Variants in PRC1 observed in about 807,000 individuals in gnomAD.
PRC1 encodes protein regulator of cytokinesis 1, also known as anaphase spindle elongation 1 homolog.
In PRC1, 54 loss-of-function variants were observed where a neutral mutation model predicts 91.2. The ratio of observed to expected loss-of-function variants is 0.59; its 90% CI spans 0.48 to 0.74. The LOEUF (loss-of-function observed/expected upper bound fraction) is 0.74, where lower values mean the gene tolerates loss of function less well. PRC1 is among the 30% of genes least tolerant of loss of function. The probability of loss-of-function intolerance (pLI) is 0.00; values close to 1 mark genes in which losing one functional copy is unlikely to be tolerated. For synonymous variants in PRC1, 275 were observed against 263.6 expected, an observed-to-expected ratio of 1.04 and a Z score of -0.42; for missense variants, 727 against 746.2, an observed-to-expected ratio of 0.97 and a Z score of 0.30.
intron 13 of PRC1, 123 bp from the exon 14 acceptor site, chr15:90,969,243 A>G (rs2037831783): frequency 8.0e-7 from 1 of 1,246,370 alleles, no homozygotes; most frequent in South Asian, 1.3e-5. Context: ...TCCAGGTTAA[A>G]TGTCTAGTTG....
At position 90,966,331 on chromosome 15, in the gene PRC1, C is replaced by A; in HGVS notation, c.*800G>T. 3.5e-6 allele frequency: 1 copy of A among 285,894 alleles called. No individual in the cohort carries two copies. The highest frequency in any genetic ancestry group is 7.1e-6 in the Non-Finnish European group (1 of 140,690). 17.7% of individuals were successfully genotyped at this position (285,894 alleles called of 1,614,324 possible). A position where few individuals can be genotyped will look rare whatever the true frequency, so the allele number is the denominator to read the frequency against. On this transcript the variant is annotated 3_prime_UTR_variant, in exon 15 of 15. Transcript: ENST00000394249. ...CCCAGTAGTGACATGTGCAAAGTTC[C>A]AGATCTCCACGACAAAGACAGCTCA... is the stretch of plus-strand genomic sequence containing the variant.
chr15:90,970,435 G>C lies in PRC1; in HGVS notation c.1541C>G (p.Pro514Arg). 1 of 1,612,620 alleles carries C rather than the reference G, an allele frequency of 6.2e-7. No individual in the cohort carries two copies. Among genetic ancestry groups the C allele is most frequent in the Admixed American group, 1.7e-5 (1 of 60,012 alleles). ...GCCAGAAGGAGGAAGTCGAGACACGGGGGAGTGGTAGACTGTCCCTCCAAA... is the reference window on the plus strand; with the variant it reads ...GCCAGAAGGAGGAAGTCGAGACACGCGGGAGTGGTAGACTGTCCCTCCAAA... ...PIFGGTVYHS[P>R]VSRLPPSGSK... is the part of the protein sequence containing the mutation. The change falls in exon 12 of 15, where the codon CCC becomes CGC. Residue 514 changes from proline (P) to arginine (R), a missense_variant. Pro to Arg is a moderately radical substitution (Grantham distance 103). Coordinates refer to ENST00000394249, the MANE Select transcript of PRC1 (RefSeq NM_003981.4).
chr15:90,991,521 A>G (rs1354363505), intron 1 of PRC1, among the ~76,000 whole-genome samples: 1 of 152,082 alleles, frequency 6.6e-6, no homozygotes, highest in African/African-American at 2.4e-5. Flanking sequence ...CATTATTATT[A>G]TTCTAGTTAG....
intron 14 of PRC1, chr15:90,968,527 T>C (rs775210410): frequency 6.3e-5 from 62 of 990,260 alleles, no homozygotes; most frequent in Non-Finnish European, 7.3e-5. Flanking sequence ...AGTAGGATAC[T>C]AGGAAGTGAA....
intron 6 of PRC1, chr15:90,980,617 T>C: frequency 1.5e-6 from 1 of 654,228 alleles, no homozygotes; most frequent in Non-Finnish European, 2.5e-6. Flanking sequence ...CCTCCCAGGC[T>C]CAAGCGATTC....
At chr15:90,980,512 CT>C (rs35250469) in intron 6 of PRC1, 123 bp from the exon 7 acceptor site, 48,645 of 484,356 alleles carry the variant, frequency 0.1, 36 homozygotes, top group South Asian at 0.12. Context: ...TAAATCAACA[CT>C]TTTTTTTTTT....
Position 90,966,826 on chromosome 15 carries a change from G to A in PRC1, c.*305C>T. The stretch of plus-strand genomic sequence containing the variant: ...TTCCTACAGTGGTGAAATAAAACAA[G>A]CTTTGATCATGCTTCAGCAAGTAGA... On this transcript the variant is annotated 3_prime_UTR_variant, in exon 15 of 15. Transcript: ENST00000394249. 1 of 476,772 alleles carries A rather than the reference G, an allele frequency of 2.1e-6. No individual in the cohort carries two copies. Among genetic ancestry groups the A allele is most frequent in the Non-Finnish European group, 3.9e-6 (1 of 258,184 alleles). The allele number at this position is 476,772 out of a possible 1,614,324, so 29.5% of individuals were successfully genotyped here.
At position 90,974,497 on chromosome 15, in the gene PRC1, C is replaced by G; in HGVS notation, c.1350+88G>C. ...AAGCCCCGGTCCCCGGCTCCCTGTT[C>G]CACAAACCCTGGTCCCCGGCAGAGA... On this transcript the variant is annotated intron_variant, in intron 10 of 14. Coordinates refer to ENST00000394249, the MANE Select transcript of PRC1 (RefSeq NM_003981.4). This position sits in a 1 kb window ranked among gnomAD's most constrained non-coding sequence, Gnocchi z 4.6. 1 of 1,564,422 alleles carries G rather than the reference C, an allele frequency of 6.4e-7. No homozygotes were observed. The highest frequency in any genetic ancestry group is 1.1e-5 in the South Asian group (1 of 87,230).
chr15:90,989,735 G>A (rs1233133353), intron 1 of PRC1, among the ~76,000 whole-genome samples: 1 of 151,854 alleles, frequency 6.6e-6, no homozygotes, highest in Non-Finnish European at 1.5e-5. Flanking sequence ...GTAGTATATA[G>A]GCATACAATG....
chr15:90,978,047 C>T (rs758267941), intron 8 of PRC1, among the ~76,000 whole-genome samples: 1 of 152,220 alleles, frequency 6.6e-6, no homozygotes. Context: ...AATTCAGATT[C>T]TCTGAAGGCC....
chr15:90,968,944 T>C, intron 14 of PRC1, 135 bp downstream of exon 14: 1 of 1,501,912 alleles, frequency 6.7e-7, no homozygotes, highest in Non-Finnish European at 8.9e-7. Flanking sequence ...TTTTTTTGAG[T>C]CCATGATAGG....
chr15:90,969,990 T>G (rs2037963487), intron 12 of PRC1, among the ~76,000 whole-genome samples: 3 of 152,076 alleles, frequency 2.0e-5, no homozygotes, highest in South Asian at 4.1e-4. Flanking sequence ...TAATAAAATA[T>G]TTGAAAGACT....
rs1222055858 is a variant in PRC1 at position 90,974,823 on chromosome 15, C to T, written c.1204-92G>A. The T allele has an allele frequency of 4.1e-6, 6 of 1,460,660 alleles. No homozygotes were observed. The highest frequency in any genetic ancestry group is 1.7e-4 in the Middle Eastern group (1 of 5,740). 90.5% of individuals were successfully genotyped at this position (1,460,660 alleles called of 1,614,324 possible). A position where few individuals can be genotyped will look rare whatever the true frequency, so the allele number is the denominator to read the frequency against. ...TTCCCTAGAGAGTGACTCCTCCTCC[C>T]CAGAGCATCATTAGCCTCATTTCAG... On this transcript the variant is annotated intron_variant, in intron 9 of 14. Coordinates refer to ENST00000394249, the MANE Select transcript of PRC1 (RefSeq NM_003981.4). The surrounding 1 kb of genome is among the most constrained non-coding windows in gnomAD (Gnocchi z 4.6).
intron 3 of PRC1, 38 bp from the exon 4 acceptor site, chr15:90,982,019 G>A (rs764930276): frequency 6.4e-7 from 1 of 1,570,046 alleles, no homozygotes; most frequent in Non-Finnish European, 8.7e-7. Context: ...AAGATTCCAA[G>A]TGAATTCCTT....
chr15:90,974,435 C>CGTTCCACAAGCCCCGGTCCCCGGCTCCCT lies in PRC1; in HGVS notation c.1350+149_1350+150insAGGGAGCCGGGGACCGGGGCTTGTGGAAC. The CGTTCCACAAGCCCCGGTCCCCGGCTCCCT allele has an allele frequency of 8.0e-7, 1 of 1,250,932 alleles. No individual in the cohort carries two copies. 77.5% of individuals were successfully genotyped at this position (1,250,932 alleles called of 1,614,324 possible). On this transcript the variant is annotated intron_variant, in intron 10 of 14. Transcript: ENST00000394249. The surrounding 1 kb of genome is among the most constrained non-coding windows in gnomAD (Gnocchi z 4.6). ...CCACAAGCCCCGGTCCCCGGCTCCC[C>CGTTCCACAAGCCCCGGTCCCCGGCTCCCT]GTTCCACAAGCCCCGGTCCCCGGCT...
intron 5 of PRC1, 90 bp from the exon 6 acceptor site, chr15:90,981,123 A>G: frequency 6.5e-7 from 1 of 1,527,162 alleles, no homozygotes; most frequent in Middle Eastern, 1.9e-4. Context: ...TCTGGAGTAG[A>G]GGAGGAGGCA....
At chr15:90,989,206 C>T (rs2039796897) in intron 1 of PRC1, among the ~76,000 whole-genome samples, 1 of 152,056 alleles carries the variant, frequency 6.6e-6, no homozygotes, top group Admixed American at 6.6e-5. Flanking sequence ...TGTGGGCATG[C>T]AAGACGGTAC....
intron 8 of PRC1, 129 bp downstream of exon 8, chr15:90,979,029 C>T: frequency 8.4e-7 from 1 of 1,196,442 alleles, no homozygotes; most frequent in East Asian, 2.5e-5. Context: ...AGGCGGTCAG[C>T]AGAAATTCAG....
chr15:90,980,261 A>G lies in PRC1; in HGVS notation c.951T>C (p.Ala317=). Residue 317 remains alanine, a synonymous_variant, in exon 7 of 15, where the codon GCT becomes GCC. Coordinates refer to ENST00000394249, the MANE Select transcript of PRC1 (RefSeq NM_003981.4). The stretch of plus-strand genomic sequence containing the variant: ...ACTAACCAGCACAGAAAGGGGCAAA[A>G]GCTTGTCTCTGCTCCTGGCTATAAA... ...QCFYSQEQRQ[A]FAPFCAEDYT... The G allele has an allele frequency of 1.2e-6, 2 of 1,612,300 alleles. No homozygotes were observed. Among genetic ancestry groups the G allele is most frequent in the Non-Finnish European group, 1.7e-6 (2 of 1,179,544 alleles).
Sources: allele counts gnomAD v4.1 joint callset (sites outside exome capture counted in the v4.1 genomes callset), GRCh38; gene constraint gnomAD v4.1.1; non-coding constraint Gnocchi (gnomAD v3.1); transcripts MANE v1.5; gene names NCBI Gene and HGNC (gene_info 2026-07-23, HGNC 2026-07-21).